The following PCYT1A variants were observed in gnomAD, a reference collection of about 807,000 sequenced individuals.
PCYT1A encodes the protein phosphate cytidylyltransferase 1A, choline, also known as choline-phosphate cytidylyltransferase A.
In PCYT1A, 25 loss-of-function variants were observed where a neutral mutation model predicts 43.7. The observed-to-expected ratio is 0.57, with a 90% CI of 0.42 to 0.80. PCYT1A has a LOEUF of 0.80. Ranked by LOEUF, PCYT1A falls within the 30% of genes least tolerant of loss-of-function variation. The pLI, the probability that PCYT1A is intolerant of heterozygous loss-of-function variation, is 0.00. For synonymous variants in PCYT1A, 172 were observed against 170.7 expected, an observed-to-expected ratio of 1.01 and a Z score of -0.06; for missense variants, 421 against 474.2, an observed-to-expected ratio of 0.89 and a Z score of 1.04.
chr3:196,257,883 A>T lies in PCYT1A; in HGVS notation c.122T>A (p.Leu41Ter). The T allele has an allele frequency of 1.2e-6, 2 of 1,608,228 alleles. No individual in the cohort carries two copies. The highest frequency in any genetic ancestry group is 1.7e-6 in the Non-Finnish European group (2 of 1,174,840). Residue 41 changes from leucine to a stop codon, truncating the protein, a stop_gained, in exon 3 of 9, where the codon TTA becomes TAA. Coordinates refer to ENST00000431016, the MANE Select transcript of PCYT1A (RefSeq NM_001312673.2). LOFTEE classifies it high-confidence loss of function. ...ATCAGAAAAAGGAGCTGGTTGCCGT[A>T]AGCCCTTAAGAAATGGAAAGTGAAG... The part of the protein sequence containing the change: ...PSKVQRCAVG[L>*]RQPAPFSDEI...
chr3:196,250,995 G>C (rs1008596115), intron 3 of PCYT1A, among the ~76,000 whole-genome samples: 5 of 147,964 alleles, frequency 3.4e-5, no homozygotes, highest in Non-Finnish European at 7.4e-5. Context: ...CCTATGCTGA[G>C]GCTGAGGACC....
rs1028467451 is a variant in PCYT1A, at chr3:196,242,779, T to A, written c.487-139A>T. On this transcript the variant is annotated intron_variant, in intron 5 of 8. Transcript: ENST00000431016. This position sits in a 1 kb window ranked among gnomAD's most constrained non-coding sequence, Gnocchi z 4.2. ...TTCATATCTCTCTTTGCTTTGCTCA[T>A]AAATTCTACAATCTATTCACAAACC... 1.7e-4 allele frequency: 111 copies of A among 657,686 alleles called. No individual in the cohort carries two copies. The highest frequency in any genetic ancestry group is 5.1e-5 in the Admixed American group (2 of 39,222). 40.7% of individuals were successfully genotyped at this position (657,686 alleles called of 1,614,324 possible).
chr3:196,249,499 A>G (rs1034712402), intron 3 of PCYT1A, among the ~76,000 whole-genome samples: 40 of 152,118 alleles, frequency 2.6e-4, no homozygotes, highest in Non-Finnish European at 2.9e-5. Context: ...GGTTGTACCA[A>G]ACTTTTCAGG....
chr3:196,254,395 G>A (rs576436767), intron 3 of PCYT1A, among the ~76,000 whole-genome samples: 23 of 152,068 alleles, frequency 1.5e-4, no homozygotes, highest in African/African-American at 5.3e-4. Flanking sequence ...CTGTCACCCA[G>A]GCTGAAGTGC....
At chr3:196,271,152 G>A (rs1237627665) in intron 1 of PCYT1A, among the ~76,000 whole-genome samples, 1 of 151,804 alleles carries the variant, frequency 6.6e-6, no homozygotes, top group Non-Finnish European at 1.5e-5. Flanking sequence ...AGCCTCCCAA[G>A]TAGTTGGGAC....
Position 196,236,425 on chromosome 3 carries a change from A to G in PCYT1A, c.*2263T>C, listed in dbSNP as rs1452148649. The G allele has an allele frequency of 6.6e-6, 1 of 152,260 alleles. No homozygotes were observed. Among genetic ancestry groups the G allele is most frequent in the Non-Finnish European group, 1.5e-5 (1 of 68,054 alleles). 9.4% of individuals were successfully genotyped at this position (152,260 alleles called of 1,614,324 possible). On this transcript the variant is annotated 3_prime_UTR_variant, in exon 9 of 9. Coordinates refer to ENST00000431016, the MANE Select transcript of PCYT1A (RefSeq NM_001312673.2). ...AAGATGAGACTATGTAACACTGGGT[A>G]ACACAGGAAAACACTAACTTCAGCT...
Position 196,247,237 on chromosome 3 carries a change from A to G in PCYT1A, c.486+130T>C, listed in dbSNP as rs1724596842. ...TGTTATCACTAGTAATATCACTGTC[A>G]TCTCCTACGAAACTTACATAAGAGG... On this transcript the variant is annotated intron_variant, in intron 5 of 8. Transcript: ENST00000431016. This position sits in a 1 kb window ranked among gnomAD's most constrained non-coding sequence, Gnocchi z 4.8. 1.1e-6 allele frequency: 1 copy of G among 917,844 alleles called. No individual in the cohort carries two copies. Among genetic ancestry groups the G allele is most frequent in the East Asian group, 2.4e-5 (1 of 41,584 alleles). The allele number at this position is 917,844 out of a possible 1,614,324, so 56.9% of individuals were successfully genotyped here. A position where few individuals can be genotyped will look rare whatever the true frequency, so the allele number is the denominator to read the frequency against.
intron 2 of PCYT1A, among the ~76,000 whole-genome samples, chr3:196,258,686 C>T (rs1164236600): frequency 6.6e-6 from 1 of 151,896 alleles, no homozygotes; most frequent in South Asian, 2.1e-4. Context: ...CTCCCCGACT[C>T]AAGTGATCCT....
At position 196,244,168 on chromosome 3, in the gene PCYT1A, TGTCTCTGCCCGACCGCCACCCA is replaced by T. The variant is rs1335833463; in HGVS notation, c.487-1550_487-1529del. ...ACGACCCCGTCTGGGAACTGAGGAG[TGTCTCTGCCCGACCGCCACCCA>T]GTCTTGGAGGTGAGGAGCGCCTCTG... is the stretch of plus-strand genomic sequence containing the variant. On this transcript the variant is annotated intron_variant, in intron 5 of 8. Transcript: ENST00000431016. Among the ~76,000 whole-genome samples the T allele has an allele frequency of 3.0e-5, 3 of 101,016 alleles. No homozygotes were observed. In the Admixed American group the frequency reaches 3.5e-4, roughly 12 times the overall value. 66.3% of individuals were successfully genotyped at this position (101,016 alleles called of 152,430 possible).
intron 5 of PCYT1A, among the ~76,000 whole-genome samples, chr3:196,245,921 A>C (rs1054342128): frequency 6.6e-6 from 1 of 150,958 alleles, no homozygotes; most frequent in Non-Finnish European, 1.5e-5. Flanking sequence ...ATTGCACTCC[A>C]GCCTGGGCAA....
At chr3:196,249,566 A>C (rs1724684267) in intron 3 of PCYT1A, among the ~76,000 whole-genome samples, 1 of 152,172 alleles carries the variant, frequency 6.6e-6, no homozygotes, top group Admixed American at 6.5e-5. Flanking sequence ...TTCCCGGGGA[A>C]CAAGACTAAT....
chr3:196,264,448 AG>A (rs1321120238), intron 2 of PCYT1A, among the ~76,000 whole-genome samples: 1 of 152,102 alleles, frequency 6.6e-6, no homozygotes, highest in African/African-American at 2.4e-5. Context: ...CTAATGTCAT[AG>A]TTTAAGCCCT....
rs138474387 is a variant in PCYT1A, at chr3:196,241,747, G to A, written c.708+201C>T. On this transcript the variant is annotated intron_variant, in intron 7 of 8. Transcript: ENST00000431016. ...TTTAGTTGGCTGTATGGCTTTATAC[G>A]AATGTGTTGGTACCAGACCGTAACG... 121 of 1,249,956 alleles carry A rather than the reference G, an allele frequency of 9.7e-5. 1 individual carries two copies. The East Asian group carries it at 2.6e-3, about 27-fold the overall frequency. 77.4% of individuals were successfully genotyped at this position (1,249,956 alleles called of 1,614,324 possible).
chr3:196,248,791 C>T (rs748740675), intron 3 of PCYT1A, among the ~76,000 whole-genome samples: 2 of 151,784 alleles, frequency 1.3e-5, no homozygotes, highest in African/African-American at 4.8e-5. Flanking sequence ...GAATCTCGCT[C>T]CATCACCCAG....
intron 2 of PCYT1A, among the ~76,000 whole-genome samples, chr3:196,259,840 G>A (rs1164687622): frequency 1.8e-4 from 19 of 104,350 alleles, no homozygotes; most frequent in Admixed American, 5.9e-4. Flanking sequence ...GCAAGACCCT[G>A]TCTCAAAAAA....
chr3:196,268,026 G>A lies in PCYT1A; in HGVS notation c.117+2389C>T, dbSNP rs577637558. Among the ~76,000 whole-genome samples, 9 of 152,100 alleles carry A rather than the reference G, an allele frequency of 5.9e-5. No homozygotes were observed. Among genetic ancestry groups the A allele is most frequent in the Admixed American group, 5.2e-4 (8 of 15,274 alleles). On this transcript the variant is annotated intron_variant, in intron 2 of 8. Transcript: ENST00000431016. This position sits in a 1 kb window ranked among gnomAD's most constrained non-coding sequence, Gnocchi z 4.4. ...TATGCCAAATAGTCTGTGTGTTTCA[G>A]GGAGGAATGTGGAATAGGTAGCAGC...
intron 2 of PCYT1A, among the ~76,000 whole-genome samples, chr3:196,261,717 G>A (rs1395757878): frequency 6.6e-6 from 1 of 151,696 alleles, no homozygotes; most frequent in Admixed American, 6.6e-5. Context: ...TTGAACTCGG[G>A]ATGCGGAGGT....
Position 196,268,499 on chromosome 3 carries a change from G to A in PCYT1A, c.117+1916C>T, listed in dbSNP as rs1447160590. On this transcript the variant is annotated intron_variant, in intron 2 of 8. Transcript: ENST00000431016. The surrounding 1 kb of genome is among the most constrained non-coding windows in gnomAD (Gnocchi z 4.4). ...TACCATACATGGCAAAAGAGACTCT[G>A]CAGGCCAGGCACAGTGGCTCACGCC... Among the ~76,000 whole-genome samples, 2 of 152,140 alleles carry A rather than the reference G, an allele frequency of 1.3e-5. No individual in the cohort carries two copies. The highest frequency in any genetic ancestry group is 1.5e-5 in the Non-Finnish European group (1 of 68,022).
At chr3:196,244,099 C>T (rs547554802) in intron 5 of PCYT1A, among the ~76,000 whole-genome samples, 23 of 147,482 alleles carry the variant, frequency 1.6e-4, no homozygotes, top group African/African-American at 5.8e-4. Context: ...AGCGCCTCTG[C>T]CCCGCCGCCC....
Sources: gnomAD v4.1 joint callset for allele counts (sites outside exome capture counted in the v4.1 genomes callset) on GRCh38, gnomAD v4.1.1 for gene constraint, Gnocchi (gnomAD v3.1) non-coding constraint, MANE v1.5 for transcripts, NCBI Gene and HGNC (gene_info 2026-07-23, HGNC 2026-07-21) for gene names.